ZSWIM6: variants seen among roughly 807,000 people sequenced by gnomAD.
The protein encoded by ZSWIM6 is zinc finger SWIM-type containing 6, also known as zinc finger SWIM domain-containing protein 6.
ZSWIM6 carries 9 observed loss-of-function variants against 113.2 expected under a neutral mutation model. That is an observed-to-expected ratio of 0.08 (90% CI 0.05 to 0.14). The LOEUF (loss-of-function observed/expected upper bound fraction) is 0.14, where lower values mean the gene tolerates loss of function less well. ZSWIM6 is among the 10% of genes least tolerant of loss of function. The pLI, the probability that ZSWIM6 is intolerant of heterozygous loss-of-function variation, is 1.00. For missense variants in ZSWIM6, 1,162 were observed against 1,552.2 expected (o/e 0.75, Z 4.22); for synonymous variants, 611 against 606.5 (o/e 1.01, Z -0.11).
At chr5:61,473,525 A>G (rs568045036) in intron 2 of ZSWIM6, among the ~76,000 whole-genome samples, 1 of 152,232 alleles carries the variant, frequency 6.6e-6, no homozygotes, top group African/African-American at 2.4e-5. Context: ...AGAAAATACA[A>G]AAAGTTTTCT....
intron 1 of ZSWIM6, among the ~76,000 whole-genome samples, chr5:61,339,778 G>A (rs925554881): frequency 6.6e-6 from 1 of 152,128 alleles, no homozygotes; most frequent in Admixed American, 6.5e-5. Context: ...AATTACTGTG[G>A]TATAATTTTT....
chr5:61,417,984 A>G (rs559821246), intron 1 of ZSWIM6, among the ~76,000 whole-genome samples: 57 of 152,350 alleles, frequency 3.7e-4, no homozygotes, highest in African/African-American at 1.3e-3. Flanking sequence ...CAGTCCATCA[A>G]TTTACATATG....
chr5:61,384,746 G>T (rs1263555206), intron 1 of ZSWIM6, among the ~76,000 whole-genome samples: 3 of 151,828 alleles, frequency 2.0e-5, no homozygotes, highest in Non-Finnish European at 4.4e-5. Flanking sequence ...CACTTTTTTT[G>T]CTCTGCCATC....
chr5:61,485,246 T>G (rs965129589), intron 2 of ZSWIM6, among the ~76,000 whole-genome samples: 1 of 152,168 alleles, frequency 6.6e-6, no homozygotes, highest in Non-Finnish European at 1.5e-5. Context: ...CTGGAAGACT[T>G]GGTCTCTCCA....
chr5:61,461,853 A>G (rs550640449), intron 1 of ZSWIM6, among the ~76,000 whole-genome samples: 2 of 152,306 alleles, frequency 1.3e-5, no homozygotes, highest in African/African-American at 2.4e-5. Flanking sequence ...GCTCCAAGAT[A>G]TGGGTGGTAA....
intron 1 of ZSWIM6, among the ~76,000 whole-genome samples, chr5:61,384,233 G>A (rs1745547419): frequency 7.1e-6 from 1 of 140,692 alleles, no homozygotes; most frequent in East Asian, 2.1e-4. Context: ...AGGCGACAGA[G>A]CGAGACTCCG....
intron 4 of ZSWIM6, among the ~76,000 whole-genome samples, chr5:61,503,057 C>A (rs761905830): frequency 1.3e-5 from 2 of 152,130 alleles, no homozygotes; most frequent in Non-Finnish European, 2.9e-5. Flanking sequence ...GGCAAGATGG[C>A]AGATGATTTG....
In ZSWIM6 at chr5:61,525,954, C is replaced by T. The variant is rs1197057807; in HGVS notation, c.1668C>T (p.Ser556=). Residue 556 remains serine (S), a synonymous_variant, in exon 6 of 14, where the codon TCC becomes TCT. Coordinates refer to ENST00000252744, the MANE Select transcript of ZSWIM6 (RefSeq NM_020928.2). The stretch of plus-strand genomic sequence containing the variant: ...ACACTGAAAACTCCCTCTTCGACTC[C>T]CGCGGGTGGCCCCTCTGGCATGGTA... ...HDDTENSLFD[S]RGWPLWHEHV... The T allele has an allele frequency of 6.4e-7, 1 of 1,552,124 alleles. No individual in the cohort carries two copies. The highest frequency in any genetic ancestry group is 8.7e-7 in the Non-Finnish European group (1 of 1,147,034).
intron 1 of ZSWIM6, among the ~76,000 whole-genome samples, chr5:61,408,966 G>C (rs929318955): frequency 1.3e-5 from 2 of 152,024 alleles, no homozygotes; most frequent in African/African-American, 4.8e-5. Context: ...GGGGCGGCGT[G>C]TGTGTGACTG....
chr5:61,538,486 A>G (rs187060439), intron 10 of ZSWIM6, among the ~76,000 whole-genome samples: 69 of 152,350 alleles, frequency 4.5e-4, no homozygotes, highest in African/African-American at 1.6e-3. Context: ...ACCTGTGTTT[A>G]AAAGTTCTTC....
intron 1 of ZSWIM6, 61 bp downstream of exon 1, chr5:61,333,009 G>GGCCCCC: frequency 4.5e-6 from 2 of 439,892 alleles, no homozygotes; most frequent in Non-Finnish European, 6.4e-6. Context: ...TGGGGGGGGG[G>GGCCCCC]TGCCCGCCTT....
chr5:61,423,428 AAAAC>A, intron 1 of ZSWIM6, among the ~76,000 whole-genome samples: 1 of 152,090 alleles, frequency 6.6e-6, no homozygotes, highest in Non-Finnish European at 1.5e-5. Flanking sequence ...ACACAAAAAA[AAAAC>A]AAAACGGCAA....
intron 1 of ZSWIM6, among the ~76,000 whole-genome samples, chr5:61,424,790 C>G (rs148548623): frequency 4.8e-5 from 7 of 144,912 alleles, no homozygotes; most frequent in African/African-American, 1.8e-4. Flanking sequence ...TGCAGTGGTG[C>G]GATCTCGGCT....
At position 61,349,893 on chromosome 5, in the gene ZSWIM6, A is replaced by T. The variant is rs570364860; in HGVS notation, c.676+16945A>T. Among the ~76,000 whole-genome samples, 7 of 152,282 alleles carry T rather than the reference A, an allele frequency of 4.6e-5. No homozygotes were observed. The East Asian group carries it at 1.4e-3, about 29-fold the overall frequency. ...TTAGTTTTTGAAAACTCTCCCTCTC[A>T]CAGATGATATGCAAAAAAAACACAT... is the stretch of plus-strand genomic sequence containing the variant. On this transcript the variant is annotated intron_variant, in intron 1 of 13. Coordinates refer to ENST00000252744, the MANE Select transcript of ZSWIM6 (RefSeq NM_020928.2).
chr5:61,531,369 T>G, intron 8 of ZSWIM6, 96 bp from the exon 9 acceptor site: 1 of 1,372,918 alleles, frequency 7.3e-7, no homozygotes, highest in Admixed American at 2.7e-5. Context: ...AATCCATAAT[T>G]CATTTGCTTG....
chr5:61,372,226 TA>T (rs926579888), intron 1 of ZSWIM6, among the ~76,000 whole-genome samples: 15 of 149,538 alleles, frequency 1.0e-4, no homozygotes, highest in African/African-American at 2.7e-4. Flanking sequence ...TCTTCCACCT[TA>T]AAAAAAAAGC....
At chr5:61,409,831 G>C (rs1005518676) in intron 1 of ZSWIM6, among the ~76,000 whole-genome samples, 3 of 152,140 alleles carry the variant, frequency 2.0e-5, no homozygotes, top group Non-Finnish European at 4.4e-5. Flanking sequence ...TCTAAAAGGA[G>C]CCATTAAGCT....
In ZSWIM6 at chr5:61,362,585, C is replaced by T. The variant is rs151145659; in HGVS notation, c.676+29637C>T. On this transcript the variant is annotated intron_variant, in intron 1 of 13. Coordinates refer to ENST00000252744, the MANE Select transcript of ZSWIM6 (RefSeq NM_020928.2). Reference sequence around the variant, plus strand: ...CATGATTTTCCTCCCACCTCTCTGGCCACTCCTTCATTGAGTTTTGGTGCT... The same window carrying T: ...CATGATTTTCCTCCCACCTCTCTGGTCACTCCTTCATTGAGTTTTGGTGCT... Among the ~76,000 whole-genome samples, 112 of 152,306 alleles carry T rather than the reference C, an allele frequency of 7.4e-4. 1 individual carries two copies. The highest frequency in any genetic ancestry group is 3.4e-3 in the Middle Eastern group (1 of 294).
rs758784027 is a variant in ZSWIM6 at position 61,538,921 on chromosome 5, T to C, written c.2489T>C (p.Ile830Thr). ...CCTCGCTGGTTCACTCTAAGCCACA[T>C]TGAGTCCCAGCAGTGTGAGCTGGCA... The part of the protein sequence containing the change: ...RYPRWFTLSH[I>T]ESQQCELAST... The change falls in exon 11 of 14, where the codon ATT becomes ACT. Residue 830 changes from isoleucine (I) to threonine (T), a missense_variant. Coordinates refer to ENST00000252744, the MANE Select transcript of ZSWIM6 (RefSeq NM_020928.2). 62 of 1,552,058 alleles carry C rather than the reference T, an allele frequency of 4.0e-5. 1 individual carries two copies. The South Asian group carries it at 6.9e-4, about 17-fold the overall frequency.
Sources: gnomAD v4.1 joint callset for allele counts (sites outside exome capture counted in the v4.1 genomes callset) on GRCh38, gnomAD v4.1.1 for gene constraint, MANE v1.5 for transcripts, NCBI Gene and HGNC (gene_info 2026-07-23, HGNC 2026-07-21) for gene names.